OCLN: variants seen among roughly 807,000 people sequenced by gnomAD.
OCLN encodes the protein occludin, also known as phosphatase 1, regulatory subunit 115.
In OCLN, 21 loss-of-function variants were observed where a neutral mutation model predicts 47.9. That is an observed-to-expected ratio of 0.44 (90% CI 0.31 to 0.63). OCLN has a LOEUF of 0.63. Ranked by LOEUF, OCLN falls within the 30% of genes least tolerant of loss-of-function variation. The probability of loss-of-function intolerance (pLI) is 0.08; values close to 1 mark genes in which losing one functional copy is unlikely to be tolerated. For missense variants in OCLN, 360 were observed against 571.0 expected (o/e 0.63, Z 3.77); for synonymous variants, 117 against 198.4 (o/e 0.59, Z 3.45).
chr5:69,528,132 C>T (rs765020668), intron 4 of OCLN, among the ~76,000 whole-genome samples: 21 of 151,978 alleles, frequency 1.4e-4, no homozygotes, highest in Non-Finnish European at 8.8e-5. Flanking sequence ...ACTTTCCAGT[C>T]GATTTTGAAG....
intron 4 of OCLN, among the ~76,000 whole-genome samples, chr5:69,514,738 A>G (rs59256770): frequency 1.8e-4 from 28 of 152,150 alleles, no homozygotes; most frequent in South Asian, 8.3e-4. Context: ...TAACGAGCAT[A>G]CTGCCTTCAA....
At chr5:69,505,111 A>T (rs1768562830) in intron 2 of OCLN, among the ~76,000 whole-genome samples, 1 of 151,658 alleles carries the variant, frequency 6.6e-6, no homozygotes, top group South Asian at 2.1e-4. Flanking sequence ...TTAGCCGGGC[A>T]TGGTGATGCA....
At chr5:69,499,344 G>A (rs1768392021) in intron 1 of OCLN, among the ~76,000 whole-genome samples, 1 of 151,962 alleles carries the variant, frequency 6.6e-6, no homozygotes, top group African/African-American at 2.4e-5. Context: ...TAGAGTGTTG[G>A]GATTACAGGT....
Position 69,517,898 on chromosome 5 carries a change from T to C in OCLN, c.891+3789T>C, listed in dbSNP as rs1769022596. Among the ~76,000 whole-genome samples the C allele has an allele frequency of 3.3e-5, 5 of 152,326 alleles. No homozygotes were observed. In the South Asian group the frequency reaches 1.0e-3, roughly 32 times the overall value. On this transcript the variant is annotated intron_variant, in intron 4 of 8. Transcript: ENST00000396442. The stretch of plus-strand genomic sequence containing the variant: ...GCTGGAATAGGACAGGTCTATATTA[T>C]GAGCTATGAAGTAAATGTTTCGCTG...
intron 1 of OCLN, among the ~76,000 whole-genome samples, chr5:69,495,786 G>A (rs941529736): frequency 5.9e-5 from 9 of 152,140 alleles, no homozygotes; most frequent in Non-Finnish European, 1.2e-4. Context: ...TTGTGTGATG[G>A]AGTGAGGGAC....
intron 2 of OCLN, among the ~76,000 whole-genome samples, chr5:69,506,119 A>G (rs1768592619): frequency 6.6e-6 from 1 of 152,134 alleles, no homozygotes; most frequent in African/African-American, 2.4e-5. Context: ...AACTCAGGGA[A>G]ACAGTACTTA....
At chr5:69,504,099 C>T (rs1307660025) in intron 1 of OCLN, 78 bp from the exon 2 acceptor site, 31 of 645,442 alleles carry the variant, frequency 4.8e-5, no homozygotes, top group Admixed American at 1.3e-4. Flanking sequence ...GACCCTGTCT[C>T]GGGGTGGGGG....
At position 69,553,746 on chromosome 5, in the gene OCLN, G is replaced by T; in HGVS notation, c.*75G>T. 1.3e-6 allele frequency: 2 copies of T among 1,594,850 alleles called. No individual in the cohort carries two copies. The highest frequency in any genetic ancestry group is 1.7e-6 in the Non-Finnish European group (2 of 1,165,194). On this transcript the variant is annotated 3_prime_UTR_variant, in exon 9 of 9. Coordinates refer to ENST00000396442, the MANE Select transcript of OCLN (RefSeq NM_001205254.2). ...ATCTTCTCAGAAGGCAAATGACTTT[G>T]GACCATAACCCCGGAAGCCAAACCT...
At chr5:69,529,508 T>G (rs1769372190) in intron 4 of OCLN, among the ~76,000 whole-genome samples, 2 of 152,382 alleles carry the variant, frequency 1.3e-5, no homozygotes, top group Non-Finnish European at 2.9e-5. Flanking sequence ...AAAATTTCCC[T>G]GCATATTCCC....
intron 1 of OCLN, among the ~76,000 whole-genome samples, chr5:69,498,061 G>A (rs2111932514): frequency 6.6e-6 from 1 of 151,844 alleles, no homozygotes; most frequent in Non-Finnish European, 1.5e-5. Flanking sequence ...GAACCCGGGA[G>A]GCGGAGCTTG....
At chr5:69,499,386 AT>A (rs909141928) in intron 1 of OCLN, among the ~76,000 whole-genome samples, 9 of 151,242 alleles carry the variant, frequency 6.0e-5, no homozygotes, top group South Asian at 4.2e-4. Context: ...GTAATTTTTA[AT>A]TTTTTTTTCC....
intron 4 of OCLN, among the ~76,000 whole-genome samples, chr5:69,533,719 C>G (rs1374527620): frequency 6.6e-6 from 1 of 152,200 alleles, no homozygotes; most frequent in African/African-American, 2.4e-5. Flanking sequence ...ATGGCACTAT[C>G]TCTGCTCACT....
At chr5:69,523,049 A>G (rs1199368221) in intron 4 of OCLN, among the ~76,000 whole-genome samples, 4 of 152,024 alleles carry the variant, frequency 2.6e-5, no homozygotes, top group African/African-American at 7.2e-5. Flanking sequence ...CCCTATTGTT[A>G]ACATCCTACA....
intron 4 of OCLN, among the ~76,000 whole-genome samples, chr5:69,515,471 A>T (rs1768916315): frequency 8.6e-6 from 1 of 116,838 alleles, no homozygotes; most frequent in Non-Finnish European, 1.7e-5. Context: ...CTCACTTCCC[A>T]GTAGGGGCGG....
intron 5 of OCLN, among the ~76,000 whole-genome samples, chr5:69,537,189 CTTTTTTT>C (rs1157355945): frequency 9.9e-5 from 8 of 80,614 alleles, no homozygotes; most frequent in African/African-American, 3.1e-4. Context: ...ATTCTATAAG[CTTTTTTT>C]TTTTTTTTTT....
Position 69,532,734 on chromosome 5 carries a change from G to A in OCLN, c.892-1960G>A, listed in dbSNP as rs565392036. On this transcript the variant is annotated intron_variant, in intron 4 of 8. Transcript: ENST00000396442. ...TGTAATCCCAGCACTTTGGGAGGCC[G>A]AGGTGGGTGGATCATTTAAGGTCAG... Among the ~76,000 whole-genome samples, 6 of 152,186 alleles carry A rather than the reference G, an allele frequency of 3.9e-5. No homozygotes were observed. The South Asian group carries it at 8.3e-4, about 21-fold the overall frequency.
At chr5:69,494,957 A>G (rs1372746168) in intron 1 of OCLN, among the ~76,000 whole-genome samples, 3 of 152,144 alleles carry the variant, frequency 2.0e-5, no homozygotes, top group Non-Finnish European at 4.4e-5. Flanking sequence ...GGACTTTTCT[A>G]CCATTGACTA....
At chr5:69,532,430 G>A (rs74794923) in intron 4 of OCLN, among the ~76,000 whole-genome samples, 5,151 of 152,270 alleles carry the variant, frequency 0.034, 111 homozygotes, top group Middle Eastern at 0.058. Flanking sequence ...AGCTAGAGCG[G>A]TTCTACCCTT....
At chr5:69,527,360 A>G (rs1260024138) in intron 4 of OCLN, among the ~76,000 whole-genome samples, 1 of 152,158 alleles carries the variant, frequency 6.6e-6, no homozygotes, top group Non-Finnish European at 1.5e-5. Flanking sequence ...CACGGCTGCT[A>G]GTCTCTGATC....
Sources: allele counts gnomAD v4.1 joint callset (sites outside exome capture counted in the v4.1 genomes callset), GRCh38; gene constraint gnomAD v4.1.1; transcripts MANE v1.5; gene names NCBI Gene and HGNC (gene_info 2026-07-23, HGNC 2026-07-21).